The following BTBD8 variants were observed in gnomAD, a reference collection of about 807,000 sequenced individuals.
The protein encoded by BTBD8 is BTB/POZ domain-containing protein 8.
Under a neutral mutation model 162.9 loss-of-function variants are expected in BTBD8, and 110 were observed. The observed-to-expected ratio is 0.68, with a 90% CI of 0.58 to 0.79. The LOEUF (loss-of-function observed/expected upper bound fraction) is 0.79, where lower values mean the gene tolerates loss of function less well. Ranked by LOEUF, BTBD8 falls within the 30% of genes least tolerant of loss-of-function variation. The pLI is 0.00. For synonymous variants in BTBD8, 667 were observed against 716.1 expected (o/e 0.93, Z 1.10); for missense variants, 1,905 against 2,085.4 (o/e 0.91, Z 1.68).
intron 2 of BTBD8, among the ~76,000 whole-genome samples, chr1:92,098,903 T>G (rs1188950873): frequency 2.0e-5 from 3 of 152,318 alleles, no homozygotes; most frequent in Non-Finnish European, 4.4e-5. Flanking sequence ...AAATCAAACA[T>G]CTTTAATTTG....
intron 4 of BTBD8, among the ~76,000 whole-genome samples, chr1:92,127,576 G>A (rs1274903419): frequency 6.6e-6 from 1 of 150,492 alleles, no homozygotes; most frequent in Admixed American, 6.6e-5. Context: ...TTGTTTGTTT[G>A]TTTGTTTGTT....
At chr1:92,082,857 A>AT (rs1648056614) in intron 1 of BTBD8, among the ~76,000 whole-genome samples, 1 of 152,176 alleles carries the variant, frequency 6.6e-6, no homozygotes. Context: ...TAAAAAAAAA[A>AT]CACTAATACT....
chr1:92,175,508 A>T (rs1217583547), intron 13 of BTBD8, among the ~76,000 whole-genome samples: 1 of 141,280 alleles, frequency 7.1e-6, no homozygotes, highest in South Asian at 2.5e-4. Context: ...AAGAATGACA[A>T]TATTGGCCGG....
At chr1:92,147,656 T>G in intron 8 of BTBD8, 28 bp from the exon 9 acceptor site, 2 of 1,545,744 alleles carry the variant, frequency 1.3e-6, no homozygotes, top group Non-Finnish European at 1.8e-6. Context: ...CTTAATTTCT[T>G]TAACGTGGTA....
intron 1 of BTBD8, among the ~76,000 whole-genome samples, chr1:92,083,830 A>G (rs985715262): frequency 2.6e-5 from 4 of 152,184 alleles, no homozygotes; most frequent in Non-Finnish European, 5.9e-5. Context: ...GACTGATGAC[A>G]TGCTGGGGAA....
chr1:92,170,150 A>G lies in BTBD8; in HGVS notation c.1573+1155A>G, dbSNP rs59238344. Among the ~76,000 whole-genome samples, 580 of 152,242 alleles carry G rather than the reference A, an allele frequency of 3.8e-3. 4 individuals are homozygous for G. Among genetic ancestry groups the G allele is most frequent in the African/African-American group, 0.013 (555 of 41,546 alleles). ...GAGCTTCTGTGTTCTTTAATTCTTC[A>G]AAGTGCTAATTAAAAATACATGTAA... On this transcript the variant is annotated intron_variant, in intron 12 of 17. Transcript: ENST00000636805.
chr1:92,141,898 T>C (rs1013559692), intron 7 of BTBD8, among the ~76,000 whole-genome samples: 8 of 152,186 alleles, frequency 5.3e-5, no homozygotes, highest in Non-Finnish European at 4.4e-5. Context: ...ACTTTTTACA[T>C]CATATTTCTC....
Position 92,141,037 on chromosome 1 carries a change from A to G in BTBD8, c.834-78A>G, listed in dbSNP as rs942275265. Reference sequence around the variant, plus strand: ...TTATTCTTTTTTAAAAACAGACTATATATTATCAATAAATTAGTATGTGTT... The same window carrying G: ...TTATTCTTTTTTAAAAACAGACTATGTATTATCAATAAATTAGTATGTGTT... On this transcript the variant is annotated intron_variant, in intron 6 of 17. Coordinates refer to ENST00000636805, the MANE Select transcript of BTBD8 (RefSeq NM_001376131.1). 2.0e-5 allele frequency: 26 copies of G among 1,295,224 alleles called. No individual in the cohort carries two copies. The African/African-American group carries it at 3.7e-4, about 18-fold the overall frequency. 80.2% of individuals were successfully genotyped at this position (1,295,224 alleles called of 1,614,324 possible).
intron 13 of BTBD8, among the ~76,000 whole-genome samples, chr1:92,174,140 A>G (rs933909373): frequency 6.6e-6 from 1 of 152,158 alleles, no homozygotes; most frequent in South Asian, 2.1e-4. Context: ...AGAGCTGGCT[A>G]TTAGGTACGT....
At chr1:92,132,813 A>G (rs1176883631) in intron 5 of BTBD8, among the ~76,000 whole-genome samples, 3 of 152,160 alleles carry the variant, frequency 2.0e-5, no homozygotes, top group Non-Finnish European at 2.9e-5. Flanking sequence ...ATGTTAATGC[A>G]TTGAAAATGA....
In BTBD8 at chr1:92,183,866, G is replaced by A. The variant is rs1650997931; in HGVS notation, c.4915G>A (p.Asp1639Asn). 3 of 1,545,368 alleles carry A rather than the reference G, an allele frequency of 1.9e-6. No individual in the cohort carries two copies. Among genetic ancestry groups the A allele is most frequent in the African/African-American group, 1.4e-5 (1 of 72,610 alleles). ...TGTAGTATTATGAATTATTTCAGGA[G>A]ACATAGATGATTGTGACACACTGGC... The part of the protein sequence containing the change: ...EKANIALSAG[D>N]IDDCDTLAQT... The change falls in exon 18 of 18, where the codon GAC becomes AAC. Residue 1639 changes from aspartate to asparagine, a missense_variant and splice_region_variant. Asp to Asn is a conservative substitution (Grantham distance 23, BLOSUM62 1). This residue lies in a region of BTBD8 where 517 missense variants were observed against 606.6 expected (regional missense o/e 0.85). Coordinates refer to ENST00000636805, the MANE Select transcript of BTBD8 (RefSeq NM_001376131.1).
At chr1:92,133,571 A>G (rs920832782) in intron 5 of BTBD8, among the ~76,000 whole-genome samples, 1 of 152,352 alleles carries the variant, frequency 6.6e-6, no homozygotes, top group Admixed American at 6.5e-5. Flanking sequence ...AGAAGGAACC[A>G]CCATATTTTT....
intron 5 of BTBD8, among the ~76,000 whole-genome samples, chr1:92,131,518 G>A (rs1205986554): frequency 6.6e-6 from 1 of 152,174 alleles, no homozygotes; most frequent in Non-Finnish European, 1.5e-5. Context: ...GAGGTCAGGA[G>A]TTCAGGACCA....
rs1650914602 is a variant in BTBD8, at chr1:92,181,731, T to C, written c.4048T>C (p.Trp1350Arg). The C allele has an allele frequency of 6.4e-7, 1 of 1,551,566 alleles. No homozygotes were observed. ...AATCCCTAGGAAAAGGCCAGAAATT[T>C]GGTCTCGATCTGCAATAGTTCACTC... ...DEIPRKRPEI[W>R]SRSAIVHSRE... The change falls in exon 17 of 18, where the codon TGG becomes CGG. Residue 1350 changes from tryptophan to arginine, a missense_variant. Physicochemically the swap from Trp to Arg is moderately radical, Grantham distance 101 (BLOSUM62 -3). Around this residue, in one of 3 missense-constraint regions of BTBD8, gnomAD observed 517 missense variants for 606.6 expected, o/e 0.85. Coordinates refer to ENST00000636805, the MANE Select transcript of BTBD8 (RefSeq NM_001376131.1).
chr1:92,088,193 A>G (rs938747659), intron 1 of BTBD8, among the ~76,000 whole-genome samples: 4 of 152,318 alleles, frequency 2.6e-5, no homozygotes, highest in Admixed American at 2.6e-4. Flanking sequence ...AATTAACATT[A>G]GCCAGAACTA....
At chr1:92,108,818 A>T (rs1338430904) in intron 4 of BTBD8, among the ~76,000 whole-genome samples, 1 of 152,230 alleles carries the variant, frequency 6.6e-6, no homozygotes, top group Non-Finnish European at 1.5e-5. Flanking sequence ...TAGAAGGTTG[A>T]TAAGAAGTTA....
chr1:92,149,065 A>T (rs1027975252), intron 9 of BTBD8, among the ~76,000 whole-genome samples: 11 of 152,198 alleles, frequency 7.2e-5, no homozygotes, highest in Admixed American at 3.3e-4. Flanking sequence ...GGGCAAAGGG[A>T]ATATGGAGTG....
chr1:92,090,457 C>T (rs2101894148), intron 2 of BTBD8, among the ~76,000 whole-genome samples: 1 of 152,292 alleles, frequency 6.6e-6, no homozygotes, highest in South Asian at 2.1e-4. Context: ...GAACTATCTA[C>T]ATCCTTTGCC....
At chr1:92,088,917 G>A (rs1264374480) in intron 2 of BTBD8, 22 bp downstream of exon 2, 1 of 1,561,642 alleles carries the variant, frequency 6.4e-7, no homozygotes, top group Admixed American at 1.8e-5. Context: ...CTTTATCCAT[G>A]TAAGTCTAAT....
Sources: gnomAD v4.1 joint callset for allele counts (sites outside exome capture counted in the v4.1 genomes callset) on GRCh38, gnomAD v4.1.1 for gene constraint, gnomAD v4.1.1 regional missense constraint, MANE v1.5 for transcripts, NCBI Gene and HGNC (gene_info 2026-07-23, HGNC 2026-07-21) for gene names.